Variants in VWC2 observed in about 807,000 individuals in gnomAD.
VWC2 encodes brorin.
In VWC2, 14 loss-of-function variants were observed where a neutral mutation model predicts 29.8. The ratio of observed to expected loss-of-function variants is 0.47; its 90% confidence interval spans 0.31 to 0.74. The LOEUF (loss-of-function observed/expected upper bound fraction) is 0.74, where lower values mean the gene tolerates loss of function less well. Among genes scored for constraint, VWC2 ranks in the 30% least tolerant of loss-of-function variants. The pLI is 0.05. For missense variants in VWC2, 457 were observed against 459.8 expected, an observed-to-expected ratio of 0.99 and a Z score of 0.05; for synonymous variants, 213 against 199.0, an observed-to-expected ratio of 1.07 and a Z score of -0.59.
intron 3 of VWC2, among the ~76,000 whole-genome samples, chr7:49,884,932 T>C (rs917674253): frequency 2.0e-5 from 3 of 152,060 alleles, no homozygotes; most frequent in Admixed American, 2.0e-4. Context: ...CCTTGACCAA[T>C]GAAATAATAG....
At chr7:49,791,334 C>T (rs1378649620) in intron 2 of VWC2, among the ~76,000 whole-genome samples, 2 of 152,278 alleles carry the variant, frequency 1.3e-5, no homozygotes, top group East Asian at 3.9e-4. Context: ...CTGGGCTACG[C>T]GGAGAGACTG....
intron 2 of VWC2, among the ~76,000 whole-genome samples, chr7:49,783,630 T>C (rs73692984): frequency 0.014 from 2,163 of 152,302 alleles, 49 homozygotes; most frequent in African/African-American, 0.05. Context: ...TGTCGGGCAC[T>C]GGGGTGCGGC....
rs181764781 is a variant in VWC2, at chr7:49,878,398, T to G, written c.827-33636T>G. Among the ~76,000 whole-genome samples the G allele has an allele frequency of 1.5e-3, 221 of 152,290 alleles. 1 individual carries two copies. The highest frequency in any genetic ancestry group is 6.8e-4 in the Non-Finnish European group (46 of 68,010). On this transcript the variant is annotated intron_variant, in intron 3 of 3. Transcript: ENST00000340652. ...TGTAGTATTTCCTTTAGTAAAGACC[T>G]GAGAGTGGTGAATTTTCTCAGTACT...
intron 3 of VWC2, among the ~76,000 whole-genome samples, chr7:49,869,273 A>G (rs1052081516): frequency 1.3e-5 from 2 of 152,188 alleles, no homozygotes; most frequent in Admixed American, 1.3e-4. Flanking sequence ...CAAAATACAC[A>G]GTGAATGAAT....
chr7:49,825,010 A>G (rs1195300878), intron 3 of VWC2, among the ~76,000 whole-genome samples: 1 of 151,964 alleles, frequency 6.6e-6, no homozygotes, highest in East Asian at 1.9e-4. Context: ...TTTATCCCAC[A>G]GGTCTTTAAG....
At chr7:49,902,554 C>CAAA (rs34786165) in intron 3 of VWC2, among the ~76,000 whole-genome samples, 1 of 106,680 alleles carries the variant, frequency 9.4e-6, no homozygotes. Flanking sequence ...TATCCGTAGC[C>CAAA]AAAAAAAAAA....
intron 2 of VWC2, among the ~76,000 whole-genome samples, chr7:49,785,502 T>C (rs142066659): frequency 5.3e-5 from 8 of 152,318 alleles, no homozygotes; most frequent in African/African-American, 9.6e-5. Flanking sequence ...GACTTTCTAG[T>C]TGAAAGACAT....
At chr7:49,793,295 C>T (rs1008446352) in intron 2 of VWC2, among the ~76,000 whole-genome samples, 1 of 151,866 alleles carries the variant, frequency 6.6e-6, no homozygotes, top group Admixed American at 6.6e-5. Flanking sequence ...GTCCAGGCAT[C>T]ACTGGATGCC....
intron 2 of VWC2, among the ~76,000 whole-genome samples, chr7:49,788,496 AGTGT>A (rs1788354122): frequency 1.3e-5 from 2 of 149,028 alleles, no homozygotes; most frequent in South Asian, 2.1e-4. Flanking sequence ...TGTGTAAGAC[AGTGT>A]GTATGAGTGT....
At chr7:49,849,652 C>T (rs577605458) in intron 3 of VWC2, among the ~76,000 whole-genome samples, 56 of 152,334 alleles carry the variant, frequency 3.7e-4, no homozygotes, top group Middle Eastern at 3.4e-3. Context: ...TAGAGTCTAA[C>T]GCTGGGTGCT....
In VWC2 at chr7:49,845,108, C is replaced by A. The variant is rs968440812; in HGVS notation, c.826+42268C>A. Among the ~76,000 whole-genome samples, 3 of 152,012 alleles carry A rather than the reference C, an allele frequency of 2.0e-5. No individual in the cohort carries two copies. In the South Asian group the frequency reaches 6.2e-4, roughly 32 times the overall value. On this transcript the variant is annotated intron_variant, in intron 3 of 3. Transcript: ENST00000340652. ...GAACACATGAACACATGGGCGGGAA[C>A]AACACACACGGGGCCTGTCAGTGGG...
At chr7:49,899,715 T>C (rs1414842927) in intron 3 of VWC2, among the ~76,000 whole-genome samples, 1 of 151,946 alleles carries the variant, frequency 6.6e-6, no homozygotes. Context: ...GTGAATCCAC[T>C]TTTATACTTG....
At chr7:49,802,609 G>A (rs1347175102) in intron 2 of VWC2, 102 bp from the exon 3 acceptor site, 8 of 1,487,816 alleles carry the variant, frequency 5.4e-6, no homozygotes, top group Non-Finnish European at 7.3e-6. Context: ...CTGCACTCCA[G>A]TGTGAGCGAC....
intron 3 of VWC2, among the ~76,000 whole-genome samples, chr7:49,852,002 G>A (rs1790199679): frequency 6.6e-6 from 1 of 152,174 alleles, no homozygotes; most frequent in African/African-American, 2.4e-5. Flanking sequence ...ATCCCCTGTA[G>A]ATCACTGCTG....
chr7:49,905,239 G>A (rs766330384), intron 3 of VWC2, among the ~76,000 whole-genome samples: 37 of 152,132 alleles, frequency 2.4e-4, no homozygotes, highest in Non-Finnish European at 5.0e-4. Flanking sequence ...TGATGTATTA[G>A]GAAAAGGGGT....
chr7:49,786,283 C>G (rs181748534), intron 2 of VWC2, among the ~76,000 whole-genome samples: 6 of 152,316 alleles, frequency 3.9e-5, no homozygotes, highest in Admixed American at 3.9e-4. Flanking sequence ...TGGTACCCAA[C>G]TGCATCCATG....
At position 49,775,565 on chromosome 7, in the gene VWC2, G is replaced by T; in HGVS notation, c.130G>T (p.Gly44Cys). ...EKLAQAPEQP[G>C]QEKREHASRD... Reference sequence around the variant, plus strand: ...GCTGGCCCAGGCACCAGAGCAGCCGGGCCAGGAGAAGCGTGAGCACGCCTC... The same window carrying T: ...GCTGGCCCAGGCACCAGAGCAGCCGTGCCAGGAGAAGCGTGAGCACGCCTC... Residue 44 changes from glycine (G) to cysteine (C), a missense_variant, in exon 2 of 4, where the codon GGC becomes TGC. Gly to Cys is a radical substitution (Grantham distance 159, BLOSUM62 -3). Coordinates refer to ENST00000340652, the MANE Select transcript of VWC2 (RefSeq NM_198570.5). 6.5e-7 allele frequency: 1 copy of T among 1,546,750 alleles called. No individual in the cohort carries two copies. The highest frequency in any genetic ancestry group is 1.2e-5 in the South Asian group (1 of 83,250).
At chr7:49,878,772 T>C (rs1354376885) in intron 3 of VWC2, among the ~76,000 whole-genome samples, 2 of 152,174 alleles carry the variant, frequency 1.3e-5, no homozygotes, top group African/African-American at 4.8e-5. Context: ...TTCACATGGG[T>C]TAGACCAGGT....
At chr7:49,821,010 C>T (rs181015808) in intron 3 of VWC2, among the ~76,000 whole-genome samples, 1,746 of 152,298 alleles carry the variant, frequency 0.011, 9 homozygotes, top group Non-Finnish European at 0.018. Context: ...CCCAGCCCTC[C>T]CCGCCCAGGA....
Sources: allele counts gnomAD v4.1 joint callset (sites outside exome capture counted in the v4.1 genomes callset), GRCh38; gene constraint gnomAD v4.1.1; transcripts MANE v1.5; gene names NCBI Gene and HGNC (gene_info 2026-07-23, HGNC 2026-07-21).